The following CDH13 variants were observed in gnomAD, a reference collection of about 807,000 sequenced individuals.
CDH13 encodes cadherin-13.
Under a neutral mutation model 63.8 loss-of-function variants are expected in CDH13, and 24 were observed. That is an observed-to-expected ratio of 0.38 (90% CI 0.27 to 0.53). The LOEUF (loss-of-function observed/expected upper bound fraction) is 0.53. Among genes scored for constraint, CDH13 ranks in the 20% least tolerant of loss-of-function variants. The pLI, the probability that CDH13 is intolerant of heterozygous loss-of-function variation, is 0.85. For missense variants in CDH13, 1,049 were observed against 903.1 expected (o/e 1.16, Z -2.07); for synonymous variants, 503 against 355.3 (o/e 1.42, Z -4.67).
intron 1 of CDH13, among the ~76,000 whole-genome samples, chr16:82,757,775 G>C (rs542049026): frequency 6.6e-6 from 1 of 151,918 alleles, no homozygotes; most frequent in South Asian, 2.1e-4. Flanking sequence ...CGGAGTAGCT[G>C]GGACTATAGG....
intron 6 of CDH13, among the ~76,000 whole-genome samples, chr16:83,435,806 C>A (rs767503084): frequency 1.3e-5 from 2 of 152,168 alleles, no homozygotes; most frequent in Non-Finnish European, 2.9e-5. Flanking sequence ...TCTGCATTTC[C>A]TGCTGTCTCT....
In CDH13 at chr16:83,598,616, C is replaced by T. The variant is rs186420469; in HGVS notation, c.961-3838C>T. On this transcript the variant is annotated intron_variant, in intron 7 of 13. Coordinates refer to ENST00000567109, the MANE Select transcript of CDH13 (RefSeq NM_001257.5). ...GTCAAAACTGCCTTATTCCTACCTA[C>T]GGAACATCTGAATCAAGTGTCTTGA... Among the ~76,000 whole-genome samples the T allele has an allele frequency of 2.2e-3, 342 of 152,192 alleles. 1 individual carries two copies. Among genetic ancestry groups the T allele is most frequent in the African/African-American group, 7.8e-3 (324 of 41,506 alleles).
intron 1 of CDH13, among the ~76,000 whole-genome samples, chr16:82,760,836 AAG>A (rs985743120): frequency 1.3e-5 from 2 of 151,688 alleles, no homozygotes; most frequent in African/African-American, 4.8e-5. Context: ...GAGAGAGAGC[AAG>A]AGAGAGGAGG....
chr16:83,403,099 C>G (rs1403557985), intron 6 of CDH13, among the ~76,000 whole-genome samples: 1 of 152,156 alleles, frequency 6.6e-6, no homozygotes, highest in Non-Finnish European at 1.5e-5. Flanking sequence ...CATACACACA[C>G]TAGCTCATGG....
In CDH13 at chr16:83,798,225, G is replaced by A. The variant is rs1904292504; in HGVS notation, c.*3195G>A. ...GCATTTTACCCAAATAAATACACTGGGTCTTAATCTTAAGATGTGACAACT... is the reference window on the plus strand; with the variant it reads ...GCATTTTACCCAAATAAATACACTGAGTCTTAATCTTAAGATGTGACAACT... On this transcript the variant is annotated 3_prime_UTR_variant, in exon 14 of 14. Coordinates refer to ENST00000567109, the MANE Select transcript of CDH13 (RefSeq NM_001257.5). The A allele has an allele frequency of 6.6e-6, 1 of 152,024 alleles. No individual in the cohort carries two copies. 9.4% of individuals were successfully genotyped at this position (152,024 alleles called of 1,614,324 possible).
intron 6 of CDH13, among the ~76,000 whole-genome samples, chr16:83,455,541 C>T (rs12445889): frequency 0.38 from 57,426 of 151,962 alleles, 11,234 homozygotes; most frequent in Middle Eastern, 0.44. Flanking sequence ...TGTATTCCCA[C>T]GCAGGAGCTT....
At chr16:83,458,200 C>T (rs992999966) in intron 6 of CDH13, among the ~76,000 whole-genome samples, 2 of 152,208 alleles carry the variant, frequency 1.3e-5, no homozygotes, top group Non-Finnish European at 2.9e-5. Context: ...AGGCTGGCTC[C>T]AACTCAAGAT....
intron 7 of CDH13, among the ~76,000 whole-genome samples, chr16:83,575,290 A>G (rs1390172607): frequency 6.6e-6 from 1 of 152,256 alleles, no homozygotes; most frequent in Non-Finnish European, 1.5e-5. Flanking sequence ...CACTTTAAAT[A>G]GGTGGATTGT....
chr16:83,256,603 G>C (rs1375777323), intron 5 of CDH13, among the ~76,000 whole-genome samples: 1 of 150,810 alleles, frequency 6.6e-6, no homozygotes, highest in Non-Finnish European at 1.5e-5. Flanking sequence ...AGGCTGAGGC[G>C]GGCGAATCAC....
chr16:82,668,835 T>G (rs1000911656), intron 1 of CDH13, among the ~76,000 whole-genome samples: 3 of 152,214 alleles, frequency 2.0e-5, no homozygotes, highest in Non-Finnish European at 2.9e-5. Flanking sequence ...AGAGAGGGGC[T>G]GTGAGCCCCT....
intron 5 of CDH13, among the ~76,000 whole-genome samples, chr16:83,232,725 G>A (rs1361478848): frequency 6.6e-6 from 1 of 151,856 alleles, no homozygotes; most frequent in Non-Finnish European, 1.5e-5. Context: ...CTGCAGAACC[G>A]TGAACCAATT....
chr16:82,761,921 T>A (rs1255967390), intron 1 of CDH13, among the ~76,000 whole-genome samples: 1 of 152,088 alleles, frequency 6.6e-6, no homozygotes, highest in African/African-American at 2.4e-5. Context: ...ATAAGAAAAA[T>A]GGTTTCTGTT....
chr16:83,700,976 C>T (rs1017913877), intron 10 of CDH13, among the ~76,000 whole-genome samples: 5 of 152,144 alleles, frequency 3.3e-5, no homozygotes, highest in African/African-American at 1.2e-4. Context: ...TTCCCCTTCT[C>T]AATAAAACAA....
intron 2 of CDH13, among the ~76,000 whole-genome samples, chr16:82,860,854 C>T (rs983633093): frequency 2.6e-5 from 4 of 152,134 alleles, no homozygotes; most frequent in African/African-American, 9.7e-5. Flanking sequence ...ATTCCACTTG[C>T]AAGTAGCGGT....
At chr16:83,480,908 G>C (rs374956404) in intron 6 of CDH13, among the ~76,000 whole-genome samples, 170 of 152,334 alleles carry the variant, frequency 1.1e-3, no homozygotes, top group African/African-American at 4.0e-3. Context: ...CTAAGCTGCT[G>C]CTGGTCTAAG....
intron 1 of CDH13, among the ~76,000 whole-genome samples, chr16:82,724,484 G>A (rs994781252): frequency 6.6e-6 from 1 of 152,286 alleles, no homozygotes; most frequent in Middle Eastern, 3.4e-3. Flanking sequence ...TTTCTTCAGA[G>A]TATGATCCCA....
intron 1 of CDH13, among the ~76,000 whole-genome samples, chr16:82,712,225 G>T (rs750142102): frequency 1.3e-5 from 2 of 151,882 alleles, no homozygotes; most frequent in Non-Finnish European, 2.9e-5. Flanking sequence ...TTATCAAAAT[G>T]GTCAATCTTC....
At chr16:83,199,247 G>C (rs1463771127) in intron 4 of CDH13, among the ~76,000 whole-genome samples, 1 of 152,236 alleles carries the variant, frequency 6.6e-6, no homozygotes, top group Non-Finnish European at 1.5e-5. Flanking sequence ...ATGCTTGTCT[G>C]CTCAGCAGGA....
intron 3 of CDH13, among the ~76,000 whole-genome samples, chr16:83,035,830 C>A (rs998628787): frequency 6.6e-6 from 1 of 152,172 alleles, no homozygotes; most frequent in Non-Finnish European, 1.5e-5. Context: ...TTGTTTGGAT[C>A]TTCCTGTGGA....
Sources: allele counts gnomAD v4.1 joint callset (sites outside exome capture counted in the v4.1 genomes callset), GRCh38; gene constraint gnomAD v4.1.1; transcripts MANE v1.5; gene names NCBI Gene and HGNC (gene_info 2026-07-23, HGNC 2026-07-21).